Variants in CTNNA2 observed in about 807,000 individuals in gnomAD.
The protein encoded by CTNNA2 is catenin alpha 2.
In CTNNA2, 42 loss-of-function variants were observed where a neutral mutation model predicts 101.0. The ratio of observed to expected loss-of-function variants is 0.42; its 90% CI spans 0.32 to 0.54. The LOEUF (loss-of-function observed/expected upper bound fraction) is 0.54, where lower values mean the gene tolerates loss of function less well. Among genes scored for constraint, CTNNA2 ranks in the 20% least tolerant of loss-of-function variants. The probability of loss-of-function intolerance (pLI) is 0.14; values close to 1 mark genes in which losing one functional copy is unlikely to be tolerated. For synonymous variants in CTNNA2, 450 were observed against 456.4 expected, an observed-to-expected ratio of 0.99 and a Z score of 0.18; for missense variants, 871 against 1,223.1, an observed-to-expected ratio of 0.71 and a Z score of 4.29.
intron 9 of CTNNA2, among the ~76,000 whole-genome samples, chr2:80,515,805 C>A (rs1315023048): frequency 6.6e-6 from 1 of 152,136 alleles, no homozygotes; most frequent in African/African-American, 2.4e-5. Context: ...GTGGCTTCAG[C>A]CGAAATCAAT....
At chr2:80,132,943 AC>A (rs1388649363) in intron 7 of CTNNA2, among the ~76,000 whole-genome samples, 3 of 152,212 alleles carry the variant, frequency 2.0e-5, no homozygotes, top group Non-Finnish European at 4.4e-5. Context: ...TATGGATTGA[AC>A]TGTGTGCCCC....
At chr2:79,683,374 G>A (rs1333567871) in intron 2 of CTNNA2, among the ~76,000 whole-genome samples, 1 of 152,168 alleles carries the variant, frequency 6.6e-6, no homozygotes, top group Non-Finnish European at 1.5e-5. Context: ...ACAATACACA[G>A]TACTTTTTTT....
At chr2:79,924,041 C>T (rs1330286834) in intron 7 of CTNNA2, among the ~76,000 whole-genome samples, 1 of 151,978 alleles carries the variant, frequency 6.6e-6, no homozygotes, top group East Asian at 1.9e-4. Flanking sequence ...TTATTCACAA[C>T]AGTCAAGATG....
chr2:79,718,444 C>G (rs1203119955), intron 2 of CTNNA2, among the ~76,000 whole-genome samples: 2 of 152,072 alleles, frequency 1.3e-5, no homozygotes, highest in Middle Eastern at 3.2e-3. Context: ...AGGTAATAAA[C>G]AGAAATAAAA....
intron 16 of CTNNA2, among the ~76,000 whole-genome samples, chr2:80,606,602 C>T (rs935222953): frequency 2.0e-5 from 3 of 151,878 alleles, no homozygotes; most frequent in Non-Finnish European, 2.9e-5. Context: ...TCAAATTCTG[C>T]ACCTATTTCC....
At chr2:79,462,847 C>G (rs1454960148) in intron 4 of CTNNA2, among the ~76,000 whole-genome samples, 1 of 152,076 alleles carries the variant, frequency 6.6e-6, no homozygotes, top group Non-Finnish European at 1.5e-5. Flanking sequence ...ACATGCTGCC[C>G]TGTGTTGTTA....
At chr2:79,899,727 T>C (rs1437310928) in intron 6 of CTNNA2, among the ~76,000 whole-genome samples, 1 of 152,260 alleles carries the variant, frequency 6.6e-6, no homozygotes, top group Admixed American at 6.5e-5. Flanking sequence ...TTTAACTATA[T>C]GCCTGCGAAG....
At chr2:80,281,752 T>C (rs113213942) in intron 7 of CTNNA2, among the ~76,000 whole-genome samples, 109 of 152,198 alleles carry the variant, frequency 7.2e-4, no homozygotes, top group African/African-American at 2.5e-3. Context: ...TTACTATTAA[T>C]GAAATTACTT....
chr2:79,392,551 G>T (rs1678186536), intron 4 of CTNNA2, among the ~76,000 whole-genome samples: 1 of 152,006 alleles, frequency 6.6e-6, no homozygotes, highest in African/African-American at 2.4e-5. Flanking sequence ...TATCAGGCCA[G>T]TTTTTGTTTG....
chr2:80,009,638 G>T (rs1230959642), intron 7 of CTNNA2, among the ~76,000 whole-genome samples: 2 of 151,896 alleles, frequency 1.3e-5, no homozygotes, highest in African/African-American at 2.4e-5. Context: ...ATTATGGGAG[G>T]AGATTCTGCA....
intron 7 of CTNNA2, among the ~76,000 whole-genome samples, chr2:80,201,183 ATTG>A (rs1707184187): frequency 6.6e-6 from 1 of 151,790 alleles, no homozygotes; most frequent in Admixed American, 6.6e-5. Context: ...TTATTATTGT[ATTG>A]TTATTTTTAA....
chr2:79,330,724 G>C (rs907883590), intron 3 of CTNNA2, among the ~76,000 whole-genome samples: 4 of 152,142 alleles, frequency 2.6e-5, no homozygotes, highest in Non-Finnish European at 4.4e-5. Flanking sequence ...GTCTTATAAA[G>C]GGGAGTTCCC....
chr2:79,210,296 TAAAAG>T (rs1236547364), intron 2 of CTNNA2, among the ~76,000 whole-genome samples: 1 of 151,750 alleles, frequency 6.6e-6, no homozygotes, highest in African/African-American at 2.4e-5. Context: ...ACAGCTTAAA[TAAAAG>T]AAAAAAAACT....
chr2:79,377,113 G>A (rs970128611), intron 4 of CTNNA2, among the ~76,000 whole-genome samples: 1 of 151,634 alleles, frequency 6.6e-6, no homozygotes, highest in African/African-American at 2.4e-5. Context: ...CAGTGTAAAA[G>A]TGTTCCTATT....
intron 7 of CTNNA2, among the ~76,000 whole-genome samples, chr2:79,934,101 T>C (rs1177222751): frequency 6.6e-6 from 1 of 152,238 alleles, no homozygotes; most frequent in African/African-American, 2.4e-5. Flanking sequence ...AGATACATAA[T>C]TTCTAAGGTT....
chr2:79,691,887 G>A (rs1037135355), intron 2 of CTNNA2, among the ~76,000 whole-genome samples: 2 of 152,094 alleles, frequency 1.3e-5, no homozygotes, highest in Non-Finnish European at 2.9e-5. Flanking sequence ...ATGGATTAAA[G>A]ACTTAAATGT....
chr2:79,997,262 C>T (rs1170652494), intron 7 of CTNNA2, among the ~76,000 whole-genome samples: 1 of 149,992 alleles, frequency 6.7e-6, no homozygotes, highest in Non-Finnish European at 1.5e-5. Flanking sequence ...TAATCTTCCT[C>T]AAAACACCTT....
chr2:79,864,664 T>G (rs1681885744), intron 4 of CTNNA2, among the ~76,000 whole-genome samples: 3 of 152,276 alleles, frequency 2.0e-5, no homozygotes, highest in Middle Eastern at 6.8e-3. Flanking sequence ...TTACAGATAC[T>G]CAGGATATAG....
Position 79,495,120 on chromosome 2 carries a change from AAAAC to A in CTNNA2, c.-134-9922_-134-9919del, listed in dbSNP as rs576658882. On this transcript the variant is annotated intron_variant, in intron 4 of 21. Transcript: ENST00000466387. Reference sequence around the variant, plus strand: ...TCCGTCTCGAAACAAAACAAAACAAAAAACAAACAAACAAAAAAACAACAACTTT... The same window carrying A: ...TCCGTCTCGAAACAAAACAAAACAAAAAACAAACAAAAAAACAACAACTTT... 4.6e-5 allele frequency among the ~76,000 whole-genome samples: 7 copies of A among 152,246 alleles called. No individual in the cohort carries two copies. In the East Asian group the frequency reaches 5.8e-4, roughly 13 times the overall value.
Sources: allele counts gnomAD v4.1 joint callset (sites outside exome capture counted in the v4.1 genomes callset), GRCh38; gene constraint gnomAD v4.1.1; transcripts MANE v1.5; gene names NCBI Gene and HGNC (gene_info 2026-07-23, HGNC 2026-07-21).